The following OTOG variants were observed in gnomAD, a reference collection of about 807,000 sequenced individuals.
OTOG encodes otogelin.
In OTOG, 296 loss-of-function variants were observed where a neutral mutation model predicts 313.8. The observed-to-expected ratio is 0.94, with a 90% CI of 0.86 to 1.04. OTOG has a LOEUF of 1.04. Among genes scored for constraint, OTOG ranks in the 50% least tolerant of loss-of-function variants. The pLI, the probability that OTOG is intolerant of heterozygous loss-of-function variation, is 0.00. For synonymous variants in OTOG, 1,533 were observed against 1,554.9 expected (o/e 0.99, Z 0.33); for missense variants, 3,948 against 3,840.1 (o/e 1.03, Z -0.74).
In OTOG at chr11:17,570,389, C is replaced by T; in HGVS notation, c.1954C>T (p.Leu652=). The T allele has an allele frequency of 1.9e-6, 3 of 1,550,364 alleles. 1 individual carries two copies. The highest frequency in any genetic ancestry group is 4.9e-5 in the East Asian group (2 of 40,920). The change falls in exon 17 of 56, where the codon CTG becomes TTG. Residue 652 remains leucine (L), a splice_region_variant and synonymous_variant. Transcript: ENST00000399397. ...TFNGNTQDDF[L]SPVGVPESTP... The stretch of plus-strand genomic sequence containing the variant: ...CAATGGCAACACGCAGGATGACTTC[C>T]TGTACGTAGCCCTGCCACGGAACCC...
At chr11:17,551,975 G>T in intron 3 of OTOG, 25 bp from the exon 4 acceptor site, 6 of 1,548,958 alleles carry the variant, frequency 3.9e-6, no homozygotes, top group South Asian at 1.2e-5. Flanking sequence ...CCCTCGATGT[G>T]TTCTCTTCCT....
chr11:17,581,547 G>A (rs1204852975), intron 23 of OTOG, among the ~76,000 whole-genome samples: 1 of 152,118 alleles, frequency 6.6e-6, no homozygotes, highest in African/African-American at 2.4e-5. Flanking sequence ...AAAATGGTTG[G>A]TCCTCCTTAA....
intron 19 of OTOG, among the ~76,000 whole-genome samples, 166 bp from the exon 20 acceptor site, chr11:17,574,554 C>T (rs370152902): frequency 2.0e-5 from 3 of 152,190 alleles, no homozygotes; most frequent in African/African-American, 7.2e-5. Context: ...ACTCTGGAGT[C>T]AGACCTGGGT....
Position 17,611,114 on chromosome 11 carries a change from G to A in OTOG, c.5814G>A (p.Thr1938=), listed in dbSNP as rs562361253. The A allele has an allele frequency of 1.8e-5, 28 of 1,550,450 alleles. No individual in the cohort carries two copies. Among genetic ancestry groups the A allele is most frequent in the East Asian group, 1.2e-4 (5 of 40,908 alleles). The part of the protein sequence containing the change: ...EGGPTELTPA[T]SHPLTPLVAE... ...GGCCCACAGAGCTCACGCCTGCTAC[G>A]AGCCACCCTCTCACGCCCTTGGTGG... The change falls in exon 36 of 56, where the codon ACG becomes ACA. Residue 1938 remains threonine, a synonymous_variant. Coordinates refer to ENST00000399397, the MANE Select transcript of OTOG (RefSeq NM_001292063.2).
chr11:17,626,033 C>T (rs1853976828), intron 39 of OTOG, among the ~76,000 whole-genome samples: 1 of 152,092 alleles, frequency 6.6e-6, no homozygotes, highest in Non-Finnish European at 1.5e-5. Context: ...ATCCAGTTTC[C>T]CCAGCACCAC....
rs762600888 is a variant in OTOG, at chr11:17,617,917, A to ATT, written c.6528+4228_6528+4229dup. The stretch of plus-strand genomic sequence containing the variant: ...AATTTGAGAACTTTCTTCTTCTTCT[A>ATT]TTTTTTTTTTTTTGAGACAGAGTCT... On this transcript the variant is annotated intron_variant, in intron 39 of 55. Coordinates refer to ENST00000399397, the MANE Select transcript of OTOG (RefSeq NM_001292063.2). 4.8e-3 allele frequency among the ~76,000 whole-genome samples: 684 copies of ATT among 142,706 alleles called. 5 individuals are homozygous for ATT. The highest frequency in any genetic ancestry group is 0.016 in the African/African-American group (637 of 39,088). 93.6% of individuals were successfully genotyped at this position (142,706 alleles called of 152,430 possible). A position where few individuals can be genotyped will look rare whatever the true frequency, so the allele number is the denominator to read the frequency against.
At position 17,606,142 on chromosome 11, in the gene OTOG, G is replaced by A. The variant is rs1232036890; in HGVS notation, c.4156+7G>A. On this transcript the variant is annotated splice_region_variant and intron_variant, in intron 33 of 55. Transcript: ENST00000399397. ...ACACTCTTCCGCCTTCTGGGTAGGC[G>A]ACCCCCTGCCATTGCCCTCGGCCCT... 60 of 1,522,066 alleles carry A rather than the reference G, an allele frequency of 3.9e-5. No individual in the cohort carries two copies. The highest frequency in any genetic ancestry group is 5.0e-5 in the Non-Finnish European group (57 of 1,130,704). 94.3% of individuals were successfully genotyped at this position (1,522,066 alleles called of 1,614,324 possible).
Position 17,640,932 on chromosome 11 carries a change from G to A in OTOG, c.8031G>A (p.Leu2677=). 6.5e-7 allele frequency: 1 copy of A among 1,548,300 alleles called. No homozygotes were observed. Among genetic ancestry groups the A allele is most frequent in the South Asian group, 1.2e-5 (1 of 84,042 alleles). The part of the protein sequence containing the change: ...KYECVKAPVC[L]SRELGVMQPG... ...ATCCAGTGAAGGCCCCGGTGTGTCT[G>A]AGCCGCGAGCTGGGTGTGATGCAGC... The change falls in exon 51 of 56, where the codon CTG becomes CTA. Residue 2677 remains leucine, a synonymous_variant. Transcript: ENST00000399397.
chr11:17,597,080 C>G lies in OTOG; in HGVS notation c.3682+73C>G, dbSNP rs1009585475. 6.7e-6 allele frequency: 10 copies of G among 1,502,280 alleles called. No individual in the cohort carries two copies. The Admixed American group carries it at 2.1e-4, about 31-fold the overall frequency. The allele number at this position is 1,502,280 out of a possible 1,614,324, so 93.1% of individuals were successfully genotyped here. On this transcript the variant is annotated intron_variant, in intron 30 of 55. Coordinates refer to ENST00000399397, the MANE Select transcript of OTOG (RefSeq NM_001292063.2). ...TGTGGGCATGCCCTAGGGGTACTGG[C>G]AGTCTGTCTAGCATTTACTGAGTAC...
intron 39 of OTOG, 120 bp downstream of exon 39, chr11:17,613,821 C>T (rs928099915): frequency 2.6e-6 from 2 of 756,596 alleles, no homozygotes; most frequent in East Asian, 2.7e-5. Context: ...GGGGAGGGGA[C>T]CTTTTTTTAG....
At chr11:17,569,079 C>G in intron 15 of OTOG, 77 bp from the exon 16 acceptor site, 4 of 1,499,400 alleles carry the variant, frequency 2.7e-6, no homozygotes, top group South Asian at 1.2e-5. Flanking sequence ...GCTGGGGTCT[C>G]TGTCCCTAGA....
chr11:17,559,460 G>C, intron 11 of OTOG, 74 bp from the exon 12 acceptor site: 3 of 1,537,532 alleles, frequency 2.0e-6, no homozygotes, highest in Non-Finnish European at 2.6e-6. Flanking sequence ...CTCACTCCAC[G>C]GCCTGGGGTA....
rs777657873 is a variant in OTOG at position 17,641,077 on chromosome 11, A to G, written c.8176A>G (p.Ile2726Val). 2 of 1,252,312 alleles carry G rather than the reference A, an allele frequency of 1.6e-6. No individual in the cohort carries two copies. The highest frequency in any genetic ancestry group is 1.2e-5 in the South Asian group (1 of 80,056). The allele number at this position is 1,252,312 out of a possible 1,614,324, so 77.6% of individuals were successfully genotyped here. A position where few individuals can be genotyped will look rare whatever the true frequency, so the allele number is the denominator to read the frequency against. ...CAACACCACCTCCGTGCTCTGTGAC[A>G]TCCACTGTGAGGCGGTAGGGTGCAG... ...QINTTSVLCDIHCEANQEYEH... is the reference protein window; with the variant it reads ...QINTTSVLCDVHCEANQEYEH... Residue 2726 changes from isoleucine to valine, a missense_variant, in exon 51 of 56, where the codon ATC becomes GTC. Transcript: ENST00000399397.
chr11:17,641,392 G>A (rs1056233761), intron 51 of OTOG, among the ~76,000 whole-genome samples: 1 of 152,226 alleles, frequency 6.6e-6, no homozygotes, highest in Non-Finnish European at 1.5e-5. Context: ...TTGCGTGCTT[G>A]TGTTGCTACT....
chr11:17,621,342 A>G (rs1853858982), intron 39 of OTOG, among the ~76,000 whole-genome samples: 1 of 152,066 alleles, frequency 6.6e-6, no homozygotes, highest in Admixed American at 6.5e-5. Context: ...TTTATTCTTT[A>G]TCCTACATAC....
chr11:17,631,895 C>T lies in OTOG; in HGVS notation c.6906C>T (p.Asn2302=), dbSNP rs1386742817. ...CGCCCTGCCTTCGCATGGTGTCCAACCGCACCTTCAGTGCCTGCCACCGCT... is the reference window on the plus strand; with the variant it reads ...CGCCCTGCCTTCGCATGGTGTCCAATCGCACCTTCAGTGCCTGCCACCGCT... ...DCSPCLRMVS[N]RTFSACHRFV... The change falls in exon 41 of 56, where the codon AAC becomes AAT. Residue 2302 remains asparagine (N), a synonymous_variant. Coordinates refer to ENST00000399397, the MANE Select transcript of OTOG (RefSeq NM_001292063.2). 6.5e-7 allele frequency: 1 copy of T among 1,550,168 alleles called. No homozygotes were observed. The highest frequency in any genetic ancestry group is 1.2e-5 in the South Asian group (1 of 84,064).
In OTOG at chr11:17,636,447, G is replaced by A. The variant is rs189492021; in HGVS notation, c.7795+736G>A. ...CACACTGATAATAGGAGAAGCATGA[G>A]GTTTTTTCTTACACAGAACAGAGTA... On this transcript the variant is annotated intron_variant, in intron 47 of 55. Transcript: ENST00000399397. Among the ~76,000 whole-genome samples the A allele has an allele frequency of 9.9e-5, 15 of 152,238 alleles. No individual in the cohort carries two copies. In the East Asian group the frequency reaches 2.7e-3, roughly 27 times the overall value.
rs112738139 is a variant in OTOG at position 17,578,789 on chromosome 11, AG to A, written c.2759+265del. 0.029 allele frequency among the ~76,000 whole-genome samples: 4,382 copies of A among 152,170 alleles called. 170 individuals are homozygous for A. Among genetic ancestry groups the A allele is most frequent in the East Asian group, 0.088 (457 of 5,164 alleles). The stretch of plus-strand genomic sequence containing the variant: ...CCATCATCAGGCCTACCACCTTAAC[AG>A]GCTACTGTGAGGAATCAGTGAGCTC... On this transcript the variant is annotated intron_variant, in intron 23 of 55. Coordinates refer to ENST00000399397, the MANE Select transcript of OTOG (RefSeq NM_001292063.2).
chr11:17,597,157 T>TA, intron 30 of OTOG, 150 bp downstream of exon 30: 2 of 1,050,696 alleles, frequency 1.9e-6, no homozygotes, highest in Non-Finnish European at 2.7e-6. Flanking sequence ...ATTGAATTCT[T>TA]ACAACTACCC....
Sources: allele counts gnomAD v4.1 joint callset (sites outside exome capture counted in the v4.1 genomes callset), GRCh38; gene constraint gnomAD v4.1.1; transcripts MANE v1.5; gene names NCBI Gene and HGNC (gene_info 2026-07-23, HGNC 2026-07-21).